The following KIAA1328 variants were observed in gnomAD, a reference collection of about 807,000 sequenced individuals.
The protein encoded by KIAA1328 is KIAA1328, also known as protein hinderin.
In KIAA1328, 52 loss-of-function variants were observed where a neutral mutation model predicts 68.1. The ratio of observed to expected loss-of-function variants is 0.76; its 90% CI spans 0.61 to 0.96. The LOEUF is 0.96. Ranked by LOEUF, KIAA1328 falls within the 40% of genes least tolerant of loss-of-function variation. The probability of loss-of-function intolerance (pLI) is 0.00; values close to 1 mark genes in which losing one functional copy is unlikely to be tolerated. For synonymous variants in KIAA1328, 232 were observed against 239.4 expected (o/e 0.97, Z 0.28); for missense variants, 641 against 677.6 (o/e 0.95, Z 0.60).
At chr18:37,015,832 A>G (rs1326871027) in intron 6 of KIAA1328, among the ~76,000 whole-genome samples, 4 of 152,112 alleles carry the variant, frequency 2.6e-5, no homozygotes, top group African/African-American at 9.7e-5. Flanking sequence ...AATGCTACTC[A>G]TTTTTCTAAA....
chr18:36,978,848 C>T (rs2151360135), intron 6 of KIAA1328, among the ~76,000 whole-genome samples: 1 of 152,268 alleles, frequency 6.6e-6, no homozygotes, highest in Admixed American at 6.5e-5. Flanking sequence ...CTTAAAGCGG[C>T]TGACTAGTAT....
rs73421181 is a variant in KIAA1328 at position 37,183,505 on chromosome 18, T to G, written c.1523+10424T>G. ...CTGGAGCTGCACATCTCCTTACTTC[T>G]TAACCCCAGCACACCAACATTCTGC... On this transcript the variant is annotated intron_variant, in intron 9 of 9. Transcript: ENST00000280020. 6.7e-3 allele frequency among the ~76,000 whole-genome samples: 1,023 copies of G among 152,284 alleles called. 14 individuals are homozygous for G. Among genetic ancestry groups the G allele is most frequent in the African/African-American group, 0.023 (944 of 41,552 alleles).
intron 5 of KIAA1328, chr18:36,955,866 C>T (rs956751140): frequency 6.6e-6 from 1 of 152,046 alleles, no homozygotes; most frequent in African/African-American, 2.4e-5. Flanking sequence ...AAGTGCCAGT[C>T]CAAGCATCCC....
chr18:37,118,129 G>A (rs908902548), intron 7 of KIAA1328, among the ~76,000 whole-genome samples: 10 of 151,508 alleles, frequency 6.6e-5, no homozygotes, highest in Non-Finnish European at 1.2e-4. Context: ...CAAGTAGCTG[G>A]GAATACAGGT....
chr18:36,959,102 C>A (rs2051545534), intron 5 of KIAA1328, among the ~76,000 whole-genome samples: 2 of 151,942 alleles, frequency 1.3e-5, no homozygotes, highest in Admixed American at 1.3e-4. Context: ...ATGGGATGTT[C>A]ATTGTTACTC....
intron 7 of KIAA1328, among the ~76,000 whole-genome samples, chr18:37,076,639 T>G (rs2056746942): frequency 6.6e-6 from 1 of 151,656 alleles, no homozygotes; most frequent in Non-Finnish European, 1.5e-5. Context: ...CAATAAAAAA[T>G]GATCAAGGGG....
chr18:36,953,044 T>C (rs898906198), intron 5 of KIAA1328, among the ~76,000 whole-genome samples: 1 of 151,732 alleles, frequency 6.6e-6, no homozygotes, highest in Non-Finnish European at 1.5e-5. Flanking sequence ...TTATGATAAC[T>C]TTCAAATATA....
At chr18:37,093,369 C>A (rs2057318485) in intron 7 of KIAA1328, among the ~76,000 whole-genome samples, 1 of 151,892 alleles carries the variant, frequency 6.6e-6, no homozygotes, top group Non-Finnish European at 1.5e-5. Context: ...CAATGAGATA[C>A]AAAATAATAC....
At chr18:37,141,355 G>GT (rs1568458487) in intron 7 of KIAA1328, among the ~76,000 whole-genome samples, 2 of 152,112 alleles carry the variant, frequency 1.3e-5, no homozygotes, top group Non-Finnish European at 2.9e-5. Flanking sequence ...TACAATATGC[G>GT]TAAGTCTGAT....
intron 7 of KIAA1328, chr18:37,084,085 G>A: frequency 8.0e-7 from 1 of 1,244,560 alleles, no homozygotes; most frequent in Non-Finnish European, 1.1e-6. Flanking sequence ...AGGTTATCAG[G>A]CTTCACAAGA....
rs539595085 is a variant in KIAA1328, at chr18:36,910,185, A to G, written c.448+24513A>G. 2.1e-3 allele frequency among the ~76,000 whole-genome samples: 319 copies of G among 152,098 alleles called. 3 individuals carry two copies. The highest frequency in any genetic ancestry group is 0.017 in the Middle Eastern group (5 of 294). On this transcript the variant is annotated intron_variant, in intron 5 of 9. Transcript: ENST00000280020. The stretch of plus-strand genomic sequence containing the variant: ...CGTTGCTTTTGGTGTTTTCGACATG[A>G]AGTCCTTGCCCATGCCTATGTCCTG...
At chr18:37,187,044 G>C (rs2059816341) in intron 9 of KIAA1328, among the ~76,000 whole-genome samples, 1 of 152,028 alleles carries the variant, frequency 6.6e-6, no homozygotes, top group South Asian at 2.1e-4. Context: ...GGCACCTGTA[G>C]TTTTAGCTAC....
At position 36,978,745 on chromosome 18, in the gene KIAA1328, A is replaced by C. The variant is rs144015762; in HGVS notation, c.576+19310A>C. On this transcript the variant is annotated intron_variant, in intron 6 of 9. Coordinates refer to ENST00000280020, the MANE Select transcript of KIAA1328 (RefSeq NM_020776.3). Reference sequence around the variant, plus strand: ...ATCTTCTTTCCTATTTCTCCTTGCCACATTTTCTTCTTTTGGCATTTGCTT... The same window carrying C: ...ATCTTCTTTCCTATTTCTCCTTGCCCCATTTTCTTCTTTTGGCATTTGCTT... Among the ~76,000 whole-genome samples the C allele has an allele frequency of 9.7e-3, 1,476 of 152,292 alleles. 12 individuals carry two copies. The highest frequency in any genetic ancestry group is 0.037 in the Middle Eastern group (11 of 294).
At chr18:37,180,980 T>A (rs2059688324) in intron 9 of KIAA1328, among the ~76,000 whole-genome samples, 1 of 152,154 alleles carries the variant, frequency 6.6e-6, no homozygotes, top group Non-Finnish European at 1.5e-5. Flanking sequence ...TACATATTAT[T>A]GTCAAGATTT....
chr18:36,835,910 C>T (rs573387858), intron 3 of KIAA1328, among the ~76,000 whole-genome samples: 11 of 152,156 alleles, frequency 7.2e-5, no homozygotes, highest in South Asian at 4.1e-4. Context: ...GATGTCTACA[C>T]AAAACTTGTA....
chr18:37,223,743 T>A lies in KIAA1328; in HGVS notation c.*1516T>A, dbSNP rs2060603574. On this transcript the variant is annotated 3_prime_UTR_variant, in exon 10 of 10. Coordinates refer to ENST00000280020, the MANE Select transcript of KIAA1328 (RefSeq NM_020776.3). ...TCTAGAAAAGCCTTGTTGAGCAGCC[T>A]CCTTATCCAGATAGATCCAAAGCTC... 1.0e-6 allele frequency: 1 copy of A among 985,282 alleles called. No individual in the cohort carries two copies. Among genetic ancestry groups the A allele is most frequent in the Non-Finnish European group, 1.2e-6 (1 of 829,932 alleles). The allele number at this position is 985,282 out of a possible 1,614,324, so 61.0% of individuals were successfully genotyped here. A position where few individuals can be genotyped will look rare whatever the true frequency, so the allele number is the denominator to read the frequency against.
intron 9 of KIAA1328, among the ~76,000 whole-genome samples, chr18:37,187,021 G>A (rs992626824): frequency 3.3e-5 from 5 of 152,040 alleles, no homozygotes; most frequent in Admixed American, 6.6e-5. Flanking sequence ...TAAATTAGCC[G>A]GGTATGGTGG....
intron 9 of KIAA1328, among the ~76,000 whole-genome samples, chr18:37,177,208 T>C (rs2154214732): frequency 6.6e-6 from 1 of 152,304 alleles, no homozygotes; most frequent in East Asian, 1.9e-4. Context: ...TCTATTCAGA[T>C]GTGTAGATCT....
intron 7 of KIAA1328, among the ~76,000 whole-genome samples, chr18:37,117,958 C>G (rs891715168): frequency 1.3e-5 from 2 of 150,182 alleles, no homozygotes; most frequent in Non-Finnish European, 3.0e-5. Context: ...TAGTCCCCAT[C>G]TCTGCAACTG....
Sources: gnomAD v4.1 joint callset for allele counts (sites outside exome capture counted in the v4.1 genomes callset) on GRCh38, gnomAD v4.1.1 for gene constraint, MANE v1.5 for transcripts, NCBI Gene and HGNC (gene_info 2026-07-23, HGNC 2026-07-21) for gene names.